AKAP6: variants seen among roughly 807,000 people sequenced by gnomAD.
AKAP6 encodes A-kinase anchor protein 6.
In AKAP6, 58 loss-of-function variants were observed where a neutral mutation model predicts 188.5. That is an observed-to-expected ratio of 0.31 (90% CI 0.25 to 0.38). The LOEUF is 0.38. Ranked by LOEUF, AKAP6 falls within the 10% of genes least tolerant of loss-of-function variation. The pLI is 1.00. For synonymous variants in AKAP6, 989 were observed against 998.6 expected, an observed-to-expected ratio of 0.99 and a Z score of 0.18; for missense variants, 2,710 against 2,740.0, an observed-to-expected ratio of 0.99 and a Z score of 0.24.
At chr14:32,430,253 G>A (rs907494093) in intron 1 of AKAP6, among the ~76,000 whole-genome samples, 2 of 152,116 alleles carry the variant, frequency 1.3e-5, no homozygotes, top group Non-Finnish European at 2.9e-5. Flanking sequence ...AGGGCAAATG[G>A]GATCCTATTG....
chr14:32,496,852 A>G (rs188059571), intron 2 of AKAP6, among the ~76,000 whole-genome samples: 6 of 152,196 alleles, frequency 3.9e-5, no homozygotes, highest in African/African-American at 1.4e-4. Context: ...CGTATGAACC[A>G]AATATATTCT....
intron 7 of AKAP6, among the ~76,000 whole-genome samples, chr14:32,653,634 A>AT (rs1888322816): frequency 1.3e-5 from 2 of 151,714 alleles, no homozygotes; most frequent in Non-Finnish European, 2.9e-5. Flanking sequence ...ACCCAGTCTT[A>AT]AGTATTTATA....
At chr14:32,351,562 C>CA (rs71432045) in intron 1 of AKAP6, among the ~76,000 whole-genome samples, 22,004 of 116,276 alleles carry the variant, frequency 0.19, 2,010 homozygotes, top group East Asian at 0.47. Context: ...GACTTCATCT[C>CA]AAAAAAAAAA....
At chr14:32,759,276 A>T (rs746988032) in intron 11 of AKAP6, among the ~76,000 whole-genome samples, 17 of 152,240 alleles carry the variant, frequency 1.1e-4, no homozygotes, top group Non-Finnish European at 1.9e-4. Flanking sequence ...GAAAGGTTTG[A>T]TGTTGAATGT....
rs753582725 is a variant in AKAP6, at chr14:32,823,969, A to C, written c.6156A>C (p.Glu2052Asp). ...EPDVFHQKDA[E>D]DCSVHNFVKE... ...ATGTTTTCCATCAAAAAGATGCCGA[A>C]GATTGTTCAGTACACAACTTTGTTA... The change falls in exon 13 of 14, where the codon GAA becomes GAC. Residue 2052 changes from glutamate (E) to aspartate (D), a missense_variant. Around this residue, in one of 2 missense-constraint regions of AKAP6, gnomAD observed 2,473 missense variants for 2,426.1 expected, o/e 1.02. Coordinates refer to ENST00000280979, the MANE Select transcript of AKAP6 (RefSeq NM_004274.5). 2.9e-5 allele frequency: 47 copies of C among 1,613,862 alleles called. 1 individual carries two copies. The South Asian group carries it at 5.2e-4, about 18-fold the overall frequency.
chr14:32,682,301 G>C (rs565477764), intron 8 of AKAP6, among the ~76,000 whole-genome samples: 2 of 152,342 alleles, frequency 1.3e-5, no homozygotes, highest in South Asian at 4.1e-4. Flanking sequence ...TAGCAAGAGA[G>C]TGTGGCATGA....
chr14:32,500,032 T>C (rs147923672), intron 2 of AKAP6, among the ~76,000 whole-genome samples: 183 of 152,290 alleles, frequency 1.2e-3, no homozygotes, highest in African/African-American at 4.3e-3. Context: ...CTAATTGTAA[T>C]TGATATGTCT....
At chr14:32,492,355 T>TATATATAGAGAGAGAGAGAGAGAG in intron 2 of AKAP6, among the ~76,000 whole-genome samples, 65 of 82,596 alleles carry the variant, frequency 7.9e-4, no homozygotes, top group East Asian at 5.9e-3. Flanking sequence ...TATATATATA[T>TATATATAGAGAGAGAGAGAGAGAG]AGAGAGAGAG....
rs1340140036 is a variant in AKAP6 at position 32,370,349 on chromosome 14, G to C, written c.-35+40941G>C. On this transcript the variant is annotated intron_variant, in intron 1 of 13. Transcript: ENST00000280979. ...CCACCATCAGTTTGTGCCTTACAAA[G>C]ACAGTGCTATCGAATTGATGGTGTT... 2.6e-5 allele frequency among the ~76,000 whole-genome samples: 4 copies of C among 152,320 alleles called. No individual in the cohort carries two copies. The East Asian group carries it at 7.7e-4, about 29-fold the overall frequency.
chr14:32,392,472 G>A (rs1888743871), intron 1 of AKAP6, among the ~76,000 whole-genome samples: 1 of 152,106 alleles, frequency 6.6e-6, no homozygotes, highest in Non-Finnish European at 1.5e-5. Flanking sequence ...CATGGCTTTA[G>A]TATACATACA....
At chr14:32,463,163 C>T (rs1311603424) in intron 2 of AKAP6, among the ~76,000 whole-genome samples, 2 of 152,026 alleles carry the variant, frequency 1.3e-5, no homozygotes, top group African/African-American at 4.8e-5. Flanking sequence ...GAGAGTTTAA[C>T]ACCTCACTGT....
intron 1 of AKAP6, chr14:32,417,715 A>C (rs1889706915): frequency 6.6e-6 from 1 of 152,134 alleles, no homozygotes; most frequent in Non-Finnish European, 1.5e-5. Flanking sequence ...TAAAATTTTT[A>C]TGTTATTTTG....
intron 7 of AKAP6, among the ~76,000 whole-genome samples, chr14:32,612,693 G>T (rs1447237488): frequency 6.6e-6 from 1 of 152,088 alleles, no homozygotes; most frequent in Non-Finnish European, 1.5e-5. Context: ...CTTCCTTGAG[G>T]CAGGTCTAGT....
intron 8 of AKAP6, among the ~76,000 whole-genome samples, chr14:32,688,419 A>G (rs12432183): frequency 0.27 from 41,663 of 151,970 alleles, 6,199 homozygotes; most frequent in South Asian, 0.39. Context: ...TAGAATAAAT[A>G]TTAGACTGAA....
chr14:32,538,565 A>G (rs1160177656), intron 3 of AKAP6, among the ~76,000 whole-genome samples: 3 of 151,572 alleles, frequency 2.0e-5, no homozygotes, highest in Non-Finnish European at 2.9e-5. Flanking sequence ...GTAAAAAAAA[A>G]TTGGCCAATA....
intron 12 of AKAP6, among the ~76,000 whole-genome samples, chr14:32,794,512 A>G (rs2033704919): frequency 6.6e-6 from 1 of 152,190 alleles, no homozygotes; most frequent in Non-Finnish European, 1.5e-5. Context: ...GTGAGCTGAG[A>G]TTGCATCACT....
At chr14:32,538,528 A>G (rs1882784783) in intron 3 of AKAP6, among the ~76,000 whole-genome samples, 1 of 151,858 alleles carries the variant, frequency 6.6e-6, no homozygotes, top group South Asian at 2.1e-4. Flanking sequence ...TTTATTCTTT[A>G]TTTAAATATG....
At chr14:32,423,425 C>T (rs1423669545) in intron 1 of AKAP6, among the ~76,000 whole-genome samples, 1 of 152,078 alleles carries the variant, frequency 6.6e-6, no homozygotes, top group Non-Finnish European at 1.5e-5. Context: ...ATTGATCCCC[C>T]ACCTTCATCT....
chr14:32,776,038 T>A (rs1349091637), intron 12 of AKAP6, among the ~76,000 whole-genome samples: 1 of 152,224 alleles, frequency 6.6e-6, no homozygotes, highest in Non-Finnish European at 1.5e-5. Flanking sequence ...CTCTGTTGGT[T>A]GAGTGAAGAG....
Sources: allele counts gnomAD v4.1 joint callset (sites outside exome capture counted in the v4.1 genomes callset), GRCh38; gene constraint gnomAD v4.1.1; regional missense constraint gnomAD v4.1.1; transcripts MANE v1.5; gene names NCBI Gene and HGNC (gene_info 2026-07-23, HGNC 2026-07-21).